TRAPPC12: variants seen among roughly 807,000 people sequenced by gnomAD.
The protein encoded by TRAPPC12 is TPR repeat protein 15.
A neutral mutation model predicts 69.2 loss-of-function variants in TRAPPC12; 61 were observed. The ratio of observed to expected loss-of-function variants is 0.88; its 90% CI spans 0.72 to 1.09. TRAPPC12 has a LOEUF of 1.09. Among genes scored for constraint, TRAPPC12 ranks in the 50% least tolerant of loss-of-function variants. TRAPPC12 has a pLI of 0.00. For synonymous variants in TRAPPC12, 469 were observed against 438.9 expected, an observed-to-expected ratio of 1.07 and a Z score of -0.86; for missense variants, 1,101 against 1,016.4, an observed-to-expected ratio of 1.08 and a Z score of -1.13.
rs548837021 is a variant in TRAPPC12 at position 3,425,050 on chromosome 2, G to T, written c.1417+387G>T. 6.0e-4 allele frequency among the ~76,000 whole-genome samples: 92 copies of T among 152,250 alleles called. 3 individuals carry two copies. Among genetic ancestry groups the T allele is most frequent in the Non-Finnish European group, 1.3e-4 (9 of 68,048 alleles). ...AAACGTGTCCGTGCATATGGCACAC[G>T]CCGTGACATTTTCCGTTTGTCTCTA... On this transcript the variant is annotated intron_variant, in intron 5 of 11. Coordinates refer to ENST00000324266, the MANE Select transcript of TRAPPC12 (RefSeq NM_016030.6).
intron 3 of TRAPPC12, among the ~76,000 whole-genome samples, chr2:3,409,734 A>T (rs1661937075): frequency 6.8e-6 from 1 of 146,268 alleles, no homozygotes. Flanking sequence ...TGGGCAACAA[A>T]GCAAGACTTT....
intron 5 of TRAPPC12, among the ~76,000 whole-genome samples, chr2:3,433,162 G>T (rs1040687794): frequency 6.6e-6 from 1 of 152,140 alleles, no homozygotes; most frequent in Admixed American, 6.5e-5. Flanking sequence ...TATCCCCAGC[G>T]TTGAGCACAG....
At chr2:3,382,656 G>C (rs985565501) in intron 1 of TRAPPC12, among the ~76,000 whole-genome samples, 33 of 152,298 alleles carry the variant, frequency 2.2e-4, no homozygotes, top group Admixed American at 1.9e-3. Context: ...CGAAGCACGT[G>C]GCTCACGCCT....
chr2:3,438,430 C>A (rs1663993094), intron 5 of TRAPPC12, among the ~76,000 whole-genome samples: 1 of 141,676 alleles, frequency 7.1e-6, no homozygotes, highest in Non-Finnish European at 1.5e-5. Flanking sequence ...GATTAATACA[C>A]CCACTACCTC....
At chr2:3,478,774 C>A in intron 10 of TRAPPC12, 72 bp from the exon 11 acceptor site, 1 of 1,366,582 alleles carries the variant, frequency 7.3e-7, no homozygotes, top group Non-Finnish European at 1.0e-6. Context: ...ATCCAAAGCC[C>A]CTGTGGGTTG....
At chr2:3,472,374 C>G (rs965368063) in intron 9 of TRAPPC12, 3 of 152,258 alleles carry the variant, frequency 2.0e-5, no homozygotes, top group African/African-American at 7.2e-5. Context: ...ACCAGCATCC[C>G]TCAGGTTGTA....
At chr2:3,393,147 T>C (rs913920948) in intron 2 of TRAPPC12, among the ~76,000 whole-genome samples, 1 of 152,138 alleles carries the variant, frequency 6.6e-6, no homozygotes, top group African/African-American at 2.4e-5. Context: ...AAAGAAAATA[T>C]ACACAATGGA....
intron 9 of TRAPPC12, among the ~76,000 whole-genome samples, chr2:3,471,912 G>T (rs1666078939): frequency 6.6e-6 from 1 of 152,140 alleles, no homozygotes; most frequent in African/African-American, 2.4e-5. Flanking sequence ...CAGACGAGGG[G>T]CCTGTGCTTG....
At chr2:3,417,579 G>A (rs1009921045) in intron 3 of TRAPPC12, among the ~76,000 whole-genome samples, 20 of 152,110 alleles carry the variant, frequency 1.3e-4, no homozygotes, top group Admixed American at 8.5e-4. Context: ...GGCCCTCTTC[G>A]TCGGCCTTGT....
At position 3,479,203 on chromosome 2, in the gene TRAPPC12, G is replaced by A. The variant is rs201990539; in HGVS notation, c.1966-16G>A. ...CTGGTTGTGTGGGCCAACCCTGGGC[G>A]TGTGCTCCTCCCTAGGCCAACAACA... is the stretch of plus-strand genomic sequence containing the variant. On this transcript the variant is annotated splice_polypyrimidine_tract_variant and intron_variant, in intron 11 of 11. Coordinates refer to ENST00000324266, the MANE Select transcript of TRAPPC12 (RefSeq NM_016030.6). 61 of 1,609,284 alleles carry A rather than the reference G, an allele frequency of 3.8e-5. 1 individual carries two copies. The East Asian group carries it at 9.8e-4, about 26-fold the overall frequency.
intron 5 of TRAPPC12, among the ~76,000 whole-genome samples, chr2:3,430,695 A>G (rs1440401559): frequency 6.6e-6 from 1 of 152,270 alleles, no homozygotes; most frequent in East Asian, 1.9e-4. Context: ...TGTTCGCAAC[A>G]TGACATGTTT....
intron 8 of TRAPPC12, 25 bp downstream of exon 8, chr2:3,460,361 G>A (rs766051926): frequency 6.0e-5 from 52 of 865,112 alleles, no homozygotes; most frequent in Non-Finnish European, 9.7e-5. Context: ...AAGCAGGGCT[G>A]CCATGTGATC....
intron 5 of TRAPPC12, among the ~76,000 whole-genome samples, chr2:3,428,930 C>G (rs142213751): frequency 6.0e-3 from 911 of 152,346 alleles, no homozygotes; most frequent in Non-Finnish European, 9.4e-3. Context: ...TCTCCACCCC[C>G]TTTTCCTCTG....
At chr2:3,410,589 A>G (rs888364570) in intron 3 of TRAPPC12, among the ~76,000 whole-genome samples, 2 of 152,242 alleles carry the variant, frequency 1.3e-5, no homozygotes, top group Non-Finnish European at 2.9e-5. Flanking sequence ...GTATCTATAC[A>G]TAGTGGGTAT....
intron 2 of TRAPPC12, among the ~76,000 whole-genome samples, chr2:3,401,351 G>A (rs1186048073): frequency 6.6e-6 from 1 of 152,164 alleles, no homozygotes; most frequent in Non-Finnish European, 1.5e-5. Context: ...ACCAGCGCGA[G>A]GCTGGCCACT....
At chr2:3,451,392 C>G (rs1411494725) in intron 6 of TRAPPC12, among the ~76,000 whole-genome samples, 1 of 152,204 alleles carries the variant, frequency 6.6e-6, no homozygotes, top group Admixed American at 6.5e-5. Context: ...TACAGCTGTT[C>G]CATCTGTTAT....
chr2:3,380,165 G>C (rs1428984327), intron 1 of TRAPPC12, among the ~76,000 whole-genome samples: 1 of 152,190 alleles, frequency 6.6e-6, no homozygotes, highest in African/African-American at 2.4e-5. Flanking sequence ...GCTGCGAAGC[G>C]TGTGGGAAAC....
intron 1 of TRAPPC12, among the ~76,000 whole-genome samples, chr2:3,387,168 G>T (rs1483263116): frequency 6.6e-5 from 10 of 152,156 alleles, no homozygotes; most frequent in African/African-American, 2.4e-4. Context: ...AAAATGTAGT[G>T]TATGCATACC....
chr2:3,390,118 T>C (rs1467919456), intron 2 of TRAPPC12, among the ~76,000 whole-genome samples: 2 of 152,176 alleles, frequency 1.3e-5, no homozygotes, highest in Non-Finnish European at 1.5e-5. Flanking sequence ...ATCCGGGACT[T>C]GCAGCTAGGC....
Sources: gnomAD v4.1 joint callset for allele counts (sites outside exome capture counted in the v4.1 genomes callset) on GRCh38, gnomAD v4.1.1 for gene constraint, MANE v1.5 for transcripts, NCBI Gene and HGNC (gene_info 2026-07-23, HGNC 2026-07-21) for gene names.